The following ANO3 variants were observed in gnomAD, a reference collection of about 807,000 sequenced individuals.
The protein encoded by ANO3 is anoctamin-3.
ANO3 carries 99 observed loss-of-function variants against 144.8 expected under a neutral mutation model. That is an observed-to-expected ratio of 0.68 (90% CI 0.58 to 0.81). The LOEUF (loss-of-function observed/expected upper bound fraction) is 0.81. Among genes scored for constraint, ANO3 ranks in the 30% least tolerant of loss-of-function variants. The probability of loss-of-function intolerance (pLI) is 0.00; values close to 1 mark genes in which losing one functional copy is unlikely to be tolerated. For missense variants in ANO3, 905 were observed against 1,202.2 expected (o/e 0.75, Z 3.66); for synonymous variants, 414 against 392.6 (o/e 1.05, Z -0.64).
chr11:26,660,170 A>G, intron 26 of ANO3, 92 bp from the exon 27 acceptor site: 1 of 1,168,432 alleles, frequency 8.6e-7, no homozygotes, highest in Non-Finnish European at 1.2e-6. Context: ...TGCTTGATTC[A>G]AGGCAAATGC....
intron 1 of ANO3, among the ~76,000 whole-genome samples, chr11:26,210,282 T>G (rs1401494325): frequency 6.6e-6 from 1 of 152,192 alleles, no homozygotes; most frequent in Non-Finnish European, 1.5e-5. Flanking sequence ...TTGTCAAAGA[T>G]CAGATGGTTG....
chr11:26,634,093 A>AAAAT (rs1490677487), intron 18 of ANO3, 111 bp from the exon 19 acceptor site: 14 of 543,952 alleles, frequency 2.6e-5, no homozygotes, highest in Non-Finnish European at 3.8e-5. Flanking sequence ...AAAAAAAAAA[A>AAAAT]AAAAATTAAA....
chr11:26,600,256 CTCCT>C (rs1851753778), intron 17 of ANO3, among the ~76,000 whole-genome samples: 1 of 116,226 alleles, frequency 8.6e-6, no homozygotes, highest in Non-Finnish European at 1.9e-5. Context: ...CTCCTCTCCT[CTCCT>C]CTCCTCTCCT....
intron 1 of ANO3, among the ~76,000 whole-genome samples, chr11:26,326,556 G>T (rs1854887628): frequency 1.3e-5 from 2 of 152,082 alleles, no homozygotes; most frequent in African/African-American, 2.4e-5. Flanking sequence ...TGATTGCTTA[G>T]CATTGTGTTG....
exon 1 of ANO3, chr11:26,309,702 A>C: frequency 1.0e-6 from 1 of 985,226 alleles, no homozygotes; most frequent in South Asian, 4.7e-5. Context: ...TGGGCTGCCA[A>C]AGGCAAATAT....
intron 1 of ANO3, among the ~76,000 whole-genome samples, chr11:26,369,016 T>C (rs191139192): frequency 5.1e-4 from 77 of 152,128 alleles, no homozygotes; most frequent in African/African-American, 1.7e-3. Flanking sequence ...GCAATTTCAT[T>C]CCCCCCCAGC....
At chr11:26,534,717 C>T (rs1849461104) in intron 9 of ANO3, among the ~76,000 whole-genome samples, 155 bp downstream of exon 9, 2 of 151,962 alleles carry the variant, frequency 1.3e-5, no homozygotes, top group Admixed American at 1.3e-4. Context: ...ATTTTTCAGC[C>T]TTTTAATAAA....
intron 9 of ANO3, among the ~76,000 whole-genome samples, chr11:26,535,985 C>A (rs1849499180): frequency 6.6e-6 from 1 of 151,594 alleles, no homozygotes; most frequent in Non-Finnish European, 1.5e-5. Flanking sequence ...ACCTAAACTT[C>A]ACCAAAAATA....
intron 1 of ANO3, among the ~76,000 whole-genome samples, chr11:26,233,750 T>C (rs890636350): frequency 6.6e-6 from 1 of 152,194 alleles, no homozygotes; most frequent in Non-Finnish European, 1.5e-5. Flanking sequence ...CACCAAGGAA[T>C]ACTATGCAGC....
intron 1 of ANO3, among the ~76,000 whole-genome samples, chr11:26,304,410 T>G (rs1053741588): frequency 1.2e-4 from 19 of 152,142 alleles, no homozygotes; most frequent in Non-Finnish European, 2.5e-4. Context: ...TGTTATTTAT[T>G]ATTTAAAGGC....
chr11:26,192,379 CT>C (rs1554920420), intron 1 of ANO3, among the ~76,000 whole-genome samples: 1 of 151,966 alleles, frequency 6.6e-6, no homozygotes, highest in African/African-American at 2.4e-5. Context: ...AGAGGTCTAC[CT>C]TTTTAATCTC....
chr11:26,498,690 G>T lies in ANO3; in HGVS notation c.433-9414G>T, dbSNP rs977544578. 4.0e-5 allele frequency among the ~76,000 whole-genome samples: 6 copies of T among 151,634 alleles called. No individual in the cohort carries two copies. The East Asian group carries it at 1.2e-3, about 29-fold the overall frequency. The stretch of plus-strand genomic sequence containing the variant: ...ATTTGGTTTAGAATAAATTATTACA[G>T]CCAAAATTGAGACTTCTGTATAATA... On this transcript the variant is annotated intron_variant, in intron 4 of 26. Transcript: ENST00000256737.
intron 8 of ANO3, 24 bp from the exon 9 acceptor site, chr11:26,534,431 TA>T: frequency 6.6e-7 from 1 of 1,506,918 alleles, no homozygotes; most frequent in Non-Finnish European, 9.2e-7. Flanking sequence ...CTTTGAATAT[TA>T]AACCAATCCC....
chr11:26,334,077 G>T (rs766814262), intron 1 of ANO3, among the ~76,000 whole-genome samples: 6 of 152,176 alleles, frequency 3.9e-5, no homozygotes, highest in African/African-American at 7.2e-5. Context: ...GACAACTGTA[G>T]GTCCGACCGT....
chr11:26,451,446 C>T (rs907974960), intron 3 of ANO3, among the ~76,000 whole-genome samples: 3 of 152,220 alleles, frequency 2.0e-5, no homozygotes, highest in African/African-American at 7.2e-5. Flanking sequence ...CTGCACCTGG[C>T]TCGGAGGGTC....
At chr11:26,485,990 C>A (rs1860429307) in intron 4 of ANO3, among the ~76,000 whole-genome samples, 1 of 151,952 alleles carries the variant, frequency 6.6e-6, no homozygotes, top group African/African-American at 2.4e-5. Context: ...TCAAACAAGT[C>A]AATGAAAAAT....
At chr11:26,210,112 G>C (rs117107753) in intron 1 of ANO3, among the ~76,000 whole-genome samples, 2,143 of 152,208 alleles carry the variant, frequency 0.014, 39 homozygotes, top group East Asian at 0.1. Flanking sequence ...GGTTTTTATG[G>C]TTTTAGGTCT....
intron 6 of ANO3, among the ~76,000 whole-genome samples, chr11:26,525,269 G>GA (rs935791824): frequency 5.2e-4 from 79 of 152,122 alleles, no homozygotes; most frequent in African/African-American, 1.8e-3. Flanking sequence ...GGATGGACGG[G>GA]AAAATGGAAG....
At chr11:26,567,039 A>C in intron 14 of ANO3, 1 of 1,490,984 alleles carries the variant, frequency 6.7e-7, no homozygotes, top group South Asian at 1.4e-5. Flanking sequence ...GTATCATCTT[A>C]TTTGATACTT....
Sources: gnomAD v4.1 joint callset for allele counts (sites outside exome capture counted in the v4.1 genomes callset) on GRCh38, gnomAD v4.1.1 for gene constraint, MANE v1.5 for transcripts, NCBI Gene and HGNC (gene_info 2026-07-23, HGNC 2026-07-21) for gene names.